Variants in FAM163B observed in about 807,000 individuals in gnomAD.
FAM163B encodes the protein family with sequence similarity 163 member B, also known as protein FAM163B.
FAM163B carries 4 observed loss-of-function variants against 7.6 expected under a neutral mutation model. The observed-to-expected ratio is 0.52, with a 90% CI of 0.26 to 1.20. FAM163B has a LOEUF of 1.20. FAM163B is among the 50% of genes most tolerant of loss of function. The pLI, the probability that FAM163B is intolerant of heterozygous loss-of-function variation, is 0.14. For synonymous variants in FAM163B, 120 were observed against 111.6 expected (o/e 1.07, Z -0.47); for missense variants, 250 against 243.0 (o/e 1.03, Z -0.19).
At chr9:133,595,791 C>T (rs1831623897) in intron 1 of FAM163B, among the ~76,000 whole-genome samples, 1 of 152,204 alleles carries the variant, frequency 6.6e-6, no homozygotes, top group Non-Finnish European at 1.5e-5. Flanking sequence ...TACCTTTACC[C>T]CATACTTGGC....
rs529034389 is a variant in FAM163B, at chr9:133,600,618, G to A, written c.-24+8459C>T. Among the ~76,000 whole-genome samples the A allele has an allele frequency of 2.6e-5, 4 of 152,234 alleles. No individual in the cohort carries two copies. The East Asian group carries it at 7.8e-4, about 30-fold the overall frequency. ...GTGGGAGCAGGGGTAAAACCAGAGG[G>A]TAAAAGGATGGGTGGAAGCCCAAGA... On this transcript the variant is annotated intron_variant, in intron 1 of 2. Coordinates refer to ENST00000673969, the MANE Select transcript of FAM163B (RefSeq NM_001080515.3). This position sits in a 1 kb window ranked among gnomAD's most constrained non-coding sequence, Gnocchi z 4.9.
chr9:133,579,974 G>C (rs1184131770), intron 2 of FAM163B, among the ~76,000 whole-genome samples, 157 bp downstream of exon 2: 1 of 152,204 alleles, frequency 6.6e-6, no homozygotes, highest in Non-Finnish European at 1.5e-5. Flanking sequence ...CCCATGGTAG[G>C]GTCCTGCTGC....
rs1467751593 is a variant in FAM163B at position 133,578,777 on chromosome 9, T to A, written c.*245A>T. 8 of 609,292 alleles carry A rather than the reference T, an allele frequency of 1.3e-5. No homozygotes were observed. Among genetic ancestry groups the A allele is most frequent in the Non-Finnish European group, 2.0e-5 (8 of 391,204 alleles). 37.7% of individuals were successfully genotyped at this position (609,292 alleles called of 1,614,324 possible). ...CCTGGTGCATGCCCAGCCGGCTGTATGGTCACCTGGTCCTTCTAGCCCCAG... is the reference window on the plus strand; with the variant it reads ...CCTGGTGCATGCCCAGCCGGCTGTAAGGTCACCTGGTCCTTCTAGCCCCAG... On this transcript the variant is annotated 3_prime_UTR_variant, in exon 3 of 3. Coordinates refer to ENST00000673969, the MANE Select transcript of FAM163B (RefSeq NM_001080515.3).
intron 1 of FAM163B, among the ~76,000 whole-genome samples, chr9:133,586,985 C>CCAT (rs1009930196): frequency 5.9e-5 from 9 of 152,148 alleles, no homozygotes; most frequent in African/African-American, 1.7e-4. Flanking sequence ...ACTCCCTAGG[C>CCAT]CATCGGGGAA....
intron 1 of FAM163B, among the ~76,000 whole-genome samples, chr9:133,583,644 T>C (rs1831388145): frequency 6.6e-6 from 1 of 152,166 alleles, no homozygotes; most frequent in Admixed American, 6.5e-5. Flanking sequence ...CTCTCAGGTC[T>C]GAGATGCAGC....
Position 133,601,640 on chromosome 9 carries a change from G to A in FAM163B, c.-24+7437C>T, listed in dbSNP as rs919058342. The stretch of plus-strand genomic sequence containing the variant: ...GCTTCCCATTTCTGGAACACTGCAA[G>A]TCCCTTCTTCCCTGAGGATGTTTTG... On this transcript the variant is annotated intron_variant, in intron 1 of 2. Transcript: ENST00000673969. This position sits in a 1 kb window ranked among gnomAD's most constrained non-coding sequence, Gnocchi z 4.1. Among the ~76,000 whole-genome samples, 2 of 152,214 alleles carry A rather than the reference G, an allele frequency of 1.3e-5. No homozygotes were observed. Among genetic ancestry groups the A allele is most frequent in the Admixed American group, 6.5e-5 (1 of 15,292 alleles).
chr9:133,596,610 G>C (rs575806562), intron 1 of FAM163B, among the ~76,000 whole-genome samples: 1 of 152,164 alleles, frequency 6.6e-6, no homozygotes, highest in African/African-American at 2.4e-5. Flanking sequence ...AGGCTATGGT[G>C]CAGGGAGCTC....
At chr9:133,589,626 G>GCA (rs142297232) in intron 1 of FAM163B, among the ~76,000 whole-genome samples, 17,117 of 57,754 alleles carry the variant, frequency 0.3, 1,375 homozygotes, top group East Asian at 0.56. Flanking sequence ...GCGACACAGC[G>GCA]CGCACACACA....
chr9:133,603,293 G>A (rs143833771), intron 1 of FAM163B, among the ~76,000 whole-genome samples: 1 of 152,170 alleles, frequency 6.6e-6, no homozygotes, highest in Non-Finnish European at 1.5e-5. Context: ...CATACCCAGC[G>A]CATCCCACCG....
At chr9:133,602,722 G>A (rs1831745328) in intron 1 of FAM163B, among the ~76,000 whole-genome samples, 1 of 152,182 alleles carries the variant, frequency 6.6e-6, no homozygotes, top group Non-Finnish European at 1.5e-5. Flanking sequence ...TCACACCAAG[G>A]CAGGAGGCTT....
intron 1 of FAM163B, among the ~76,000 whole-genome samples, chr9:133,593,070 G>A (rs949092449): frequency 4.6e-5 from 7 of 152,302 alleles, no homozygotes; most frequent in African/African-American, 9.6e-5. Flanking sequence ...TGTGCGGTGC[G>A]GGTCAGCAGG....
chr9:133,591,110 G>A lies in FAM163B; in HGVS notation c.-23-10864C>T, dbSNP rs561292726. ...CCCAAGCCCGGACCACCCCACTCAT[G>A]AGCAGCTGCCTCCCTTCTGGGTCTA... On this transcript the variant is annotated intron_variant, in intron 1 of 2. Transcript: ENST00000673969. Among the ~76,000 whole-genome samples, 3 of 152,288 alleles carry A rather than the reference G, an allele frequency of 2.0e-5. No homozygotes were observed. The East Asian group carries it at 5.8e-4, about 29-fold the overall frequency.
At position 133,579,051 on chromosome 9, in the gene FAM163B, T is replaced by TGGA; in HGVS notation, c.471_472insTCC (p.Ala157_Arg158insSer). On this transcript the variant is annotated inframe_insertion, in exon 3 of 3. Coordinates refer to ENST00000673969, the MANE Select transcript of FAM163B (RefSeq NM_001080515.3). ...ACGTCGGTGCTGATGCTGCGGCTCC[T>TGGA]GGCGAAGGCCTCCCGCATGGCTGAG... The TGGA allele has an allele frequency of 6.4e-7, 1 of 1,571,212 alleles. No homozygotes were observed. Among genetic ancestry groups the TGGA allele is most frequent in the South Asian group, 1.2e-5 (1 of 86,376 alleles).
chr9:133,591,065 T>G (rs1831545392), intron 1 of FAM163B, among the ~76,000 whole-genome samples: 1 of 152,196 alleles, frequency 6.6e-6, no homozygotes, highest in Admixed American at 6.5e-5. Flanking sequence ...TACTGGGGCA[T>G]CCTGGTCTGT....
chr9:133,584,945 TCTGCCCC>T (rs1476184864), intron 1 of FAM163B, among the ~76,000 whole-genome samples: 3 of 152,262 alleles, frequency 2.0e-5, no homozygotes, highest in African/African-American at 7.2e-5. Flanking sequence ...GAATTGTTTA[TCTGCCCC>T]CTGGGACCAT....
chr9:133,579,999 C>T (rs2131211533), intron 2 of FAM163B, 132 bp downstream of exon 2: 1 of 726,382 alleles, frequency 1.4e-6, no homozygotes, highest in East Asian at 2.7e-5. Context: ...TGCTGTGTGT[C>T]TTCTCTGCCA....
At chr9:133,586,622 C>G (rs977715698) in intron 1 of FAM163B, among the ~76,000 whole-genome samples, 1 of 152,174 alleles carries the variant, frequency 6.6e-6, no homozygotes, top group Non-Finnish European at 1.5e-5. Flanking sequence ...CACTGCCCAG[C>G]AGAAGCAGGG....
Position 133,579,225 on chromosome 9 carries a change from G to T in FAM163B, c.298C>A (p.Pro100Thr), listed in dbSNP as rs1342545727. ...GGCGGCTCCTGCAGGAAGAAGGTGGGGGGCTCGCAGTGGGAGCAGCTGCGG... is the reference window on the plus strand; with the variant it reads ...GGCGGCTCCTGCAGGAAGAAGGTGGTGGGCTCGCAGTGGGAGCAGCTGCGG... ...LCRSCSHCEP[P>T]TFFLQEPPEE... The change falls in exon 3 of 3, where the codon CCC becomes ACC. Residue 100 changes from proline (P) to threonine (T), a missense_variant. Transcript: ENST00000673969. 6.2e-7 allele frequency: 1 copy of T among 1,612,072 alleles called. No individual in the cohort carries two copies. Among genetic ancestry groups the T allele is most frequent in the East Asian group, 2.2e-5 (1 of 44,874 alleles).
intron 1 of FAM163B, among the ~76,000 whole-genome samples, chr9:133,591,424 G>T (rs1290709988): frequency 6.6e-6 from 1 of 152,154 alleles, no homozygotes; most frequent in African/African-American, 2.4e-5. Flanking sequence ...TGTTGGGGCC[G>T]TGCACACACA....
Sources: gnomAD v4.1 joint callset for allele counts (sites outside exome capture counted in the v4.1 genomes callset) on GRCh38, gnomAD v4.1.1 for gene constraint, Gnocchi (gnomAD v3.1) non-coding constraint, MANE v1.5 for transcripts, NCBI Gene and HGNC (gene_info 2026-07-23, HGNC 2026-07-21) for gene names.